Variants in UBE2D2 observed in about 807,000 individuals in gnomAD.
UBE2D2 encodes ubiquitin-conjugating enzyme E2 D2.
In UBE2D2, 2 loss-of-function variants were observed where a neutral mutation model predicts 24.2. That is an observed-to-expected ratio of 0.08 (90% CI 0.03 to 0.26). The LOEUF (loss-of-function observed/expected upper bound fraction) is 0.26, where lower values mean the gene tolerates loss of function less well. Ranked by LOEUF, UBE2D2 falls within the 10% of genes least tolerant of loss-of-function variation. The pLI is 1.00. For missense variants in UBE2D2, 44 were observed against 177.6 expected, an observed-to-expected ratio of 0.25 and a Z score of 4.28; for synonymous variants, 58 against 56.5, an observed-to-expected ratio of 1.03 and a Z score of -0.12.
intron 2 of UBE2D2, among the ~76,000 whole-genome samples, chr5:139,604,311 G>A (rs529841369): frequency 3.3e-5 from 5 of 151,672 alleles, no homozygotes; most frequent in Non-Finnish European, 5.9e-5. Flanking sequence ...GCTAATTTTC[G>A]TATTTTTGGT....
intron 1 of UBE2D2, among the ~76,000 whole-genome samples, chr5:139,585,122 A>G (rs182686768): frequency 5.8e-4 from 87 of 149,386 alleles, no homozygotes; most frequent in African/African-American, 2.1e-3. Context: ...CTGGTCTCGA[A>G]CTCCGCACCT....
chr5:139,551,475 CTG>C (rs1752920686), intron 1 of UBE2D2, among the ~76,000 whole-genome samples: 1 of 152,162 alleles, frequency 6.6e-6, no homozygotes, highest in Non-Finnish European at 1.5e-5. Context: ...TGAGTGTAGA[CTG>C]TAGTTCTGTG....
At chr5:139,592,618 T>TGA (rs1753868353) in intron 1 of UBE2D2, among the ~76,000 whole-genome samples, 1 of 135,468 alleles carries the variant, frequency 7.4e-6, no homozygotes, top group East Asian at 2.1e-4. Flanking sequence ...TTTTTTTTTT[T>TGA]GAGAGATGGA....
chr5:139,543,587 G>A (rs918118066), intron 1 of UBE2D2, among the ~76,000 whole-genome samples: 9 of 152,228 alleles, frequency 5.9e-5, no homozygotes, highest in Non-Finnish European at 8.8e-5. Flanking sequence ...GCCTCGGGCC[G>A]CCAGGGAGGG....
intron 1 of UBE2D2, among the ~76,000 whole-genome samples, chr5:139,547,492 G>C (rs1561498389): frequency 6.6e-6 from 1 of 151,828 alleles, no homozygotes; most frequent in South Asian, 2.1e-4. Flanking sequence ...GGGATTACAT[G>C]CGTGGGCCAC....
intron 1 of UBE2D2, among the ~76,000 whole-genome samples, chr5:139,537,528 T>A (rs992470153): frequency 6.6e-6 from 1 of 151,914 alleles, no homozygotes; most frequent in Non-Finnish European, 1.5e-5. Context: ...CCGGCTGGAG[T>A]GCAGTGGTTC....
chr5:139,617,502 A>T (rs1033439806), intron 5 of UBE2D2, among the ~76,000 whole-genome samples: 1 of 149,046 alleles, frequency 6.7e-6, no homozygotes, highest in East Asian at 2.0e-4. Context: ...TCAGCCTCCC[A>T]AGTAGCTGGG....
At chr5:139,528,896 A>T (rs1262625137) in intron 1 of UBE2D2, among the ~76,000 whole-genome samples, 1 of 152,014 alleles carries the variant, frequency 6.6e-6, no homozygotes, top group Admixed American at 6.6e-5. Flanking sequence ...AGCTTCGCCA[A>T]CCCCTGCAAA....
At chr5:139,549,830 C>T (rs187666515) in intron 1 of UBE2D2, among the ~76,000 whole-genome samples, 41 of 152,318 alleles carry the variant, frequency 2.7e-4, no homozygotes, top group African/African-American at 9.9e-4. Flanking sequence ...ACTTGGAGAA[C>T]TTTTATGTCT....
chr5:139,561,729 C>T lies in UBE2D2; in HGVS notation c.-63C>T, dbSNP rs892637920. On this transcript the variant is annotated 5_prime_UTR_variant, in exon 1 of 7. Coordinates refer to ENST00000398733, the MANE Select transcript of UBE2D2 (RefSeq NM_003339.3). The stretch of plus-strand genomic sequence containing the variant: ...CGAGGCGGCCTCAGGCTCCCTAGCC[C>T]CTTCCCCGTCCCTTCCCCGCCCCCG... The T allele has an allele frequency of 1.5e-6, 2 of 1,327,206 alleles. No homozygotes were observed. The highest frequency in any genetic ancestry group is 1.4e-5 in the South Asian group (1 of 71,228). The allele number at this position is 1,327,206 out of a possible 1,614,324, so 82.2% of individuals were successfully genotyped here.
chr5:139,623,591 A>G (rs1247176252), intron 6 of UBE2D2, 130 bp downstream of exon 6: 11 of 575,982 alleles, frequency 1.9e-5, no homozygotes, highest in African/African-American at 5.6e-5. Flanking sequence ...TCCTGGGGCT[A>G]GAAAAGAGAA....
rs1390673018 is a variant in UBE2D2 at position 139,628,034 on chromosome 5, A to C, written c.*1233A>C. On this transcript the variant is annotated 3_prime_UTR_variant, in exon 7 of 7. Transcript: ENST00000398733. The stretch of plus-strand genomic sequence containing the variant: ...GGACATAAAACACAGAGGCATTGCT[A>C]TTTGGTAAGTTAAGCTTCTGTGATT... 6.6e-6 allele frequency: 1 copy of C among 152,654 alleles called. No individual in the cohort carries two copies. 9.5% of individuals were successfully genotyped at this position (152,654 alleles called of 1,614,324 possible). A position where few individuals can be genotyped will look rare whatever the true frequency, so the allele number is the denominator to read the frequency against.
At chr5:139,614,560 G>T (rs779527253) in intron 2 of UBE2D2, 26 bp from the exon 3 acceptor site, 1 of 1,611,974 alleles carries the variant, frequency 6.2e-7, no homozygotes, top group South Asian at 1.1e-5. Flanking sequence ...TTGTTACATG[G>T]TGACTTTTTT....
intron 1 of UBE2D2, among the ~76,000 whole-genome samples, chr5:139,529,369 T>G (rs1137709): frequency 6.6e-6 from 1 of 152,196 alleles, no homozygotes. Flanking sequence ...TAAAATTTGA[T>G]GCCTGTGCTG....
intron 1 of UBE2D2, among the ~76,000 whole-genome samples, chr5:139,579,543 G>A (rs2126663677): frequency 6.6e-6 from 1 of 152,172 alleles, no homozygotes; most frequent in East Asian, 1.9e-4. Context: ...GCCCACCTTG[G>A]CCTCCCAAAG....
chr5:139,563,889 C>A (rs564706885), intron 1 of UBE2D2, among the ~76,000 whole-genome samples: 3 of 151,562 alleles, frequency 2.0e-5, no homozygotes, highest in African/African-American at 7.3e-5. Context: ...GAGCCGAGAT[C>A]GCGCCACTGC....
rs1752595087 is a variant in UBE2D2 at position 139,531,400 on chromosome 5, C to G, written c.-64+4788C>G. On this transcript the variant is annotated intron_variant, in intron 1 of 6. Coordinates refer to the UBE2D2 transcript ENST00000511725. The stretch of plus-strand genomic sequence containing the variant: ...CCTGCCTGCTCAAATCAATCACAAC[C>G]CTTTCATGTGAAATCTTTAGTGTTG... 2.0e-5 allele frequency among the ~76,000 whole-genome samples: 3 copies of G among 152,306 alleles called. No individual in the cohort carries two copies. In the South Asian group the frequency reaches 6.2e-4, roughly 32 times the overall value.
At chr5:139,618,874 T>C (rs1191978164) in intron 5 of UBE2D2, among the ~76,000 whole-genome samples, 1 of 152,200 alleles carries the variant, frequency 6.6e-6, no homozygotes, top group African/African-American at 2.4e-5. Flanking sequence ...TTCTATGAAA[T>C]GCCTTAATCC....
intron 1 of UBE2D2, among the ~76,000 whole-genome samples, chr5:139,590,345 G>A (rs1350919068): frequency 6.6e-6 from 1 of 151,162 alleles, no homozygotes; most frequent in Non-Finnish European, 1.5e-5. Context: ...GGCTGCAGGA[G>A]AATCGCTTGA....
Sources: allele counts gnomAD v4.1 joint callset (sites outside exome capture counted in the v4.1 genomes callset), GRCh38; gene constraint gnomAD v4.1.1; transcripts MANE v1.5; gene names NCBI Gene and HGNC (gene_info 2026-07-23, HGNC 2026-07-21).